TRAPPC9: variants seen among roughly 807,000 people sequenced by gnomAD.
TRAPPC9 encodes the protein IKK2 binding protein.
Under a neutral mutation model 124.0 loss-of-function variants are expected in TRAPPC9, and 83 were observed. The observed-to-expected ratio is 0.67, with a 90% CI of 0.56 to 0.80. TRAPPC9 has a LOEUF of 0.80. Among genes scored for constraint, TRAPPC9 ranks in the 30% least tolerant of loss-of-function variants. TRAPPC9 has a pLI of 0.00. For synonymous variants in TRAPPC9, 638 were observed against 617.5 expected, an observed-to-expected ratio of 1.03 and a Z score of -0.49; for missense variants, 1,302 against 1,508.3, an observed-to-expected ratio of 0.86 and a Z score of 2.27.
At chr8:140,405,795 C>T in intron 5 of TRAPPC9, 97 bp from the exon 6 acceptor site, 1 of 1,379,114 alleles carries the variant, frequency 7.3e-7, no homozygotes, top group Non-Finnish European at 1.0e-6. Context: ...TTAAATATGC[C>T]CTACTGAAAT....
rs940606696 is a variant in TRAPPC9 at position 139,742,811 on chromosome 8, A to G, written c.3056-10609T>C. On this transcript the variant is annotated intron_variant, in intron 21 of 22. Transcript: ENST00000438773. The surrounding 1 kb of genome is among the most constrained non-coding windows in gnomAD (Gnocchi z 4.7). ...CAGGAAACATTCACTGAAATGCTGCATCTGTGGGAGAAGAACAGCCGCCAC... is the reference window on the plus strand; with the variant it reads ...CAGGAAACATTCACTGAAATGCTGCGTCTGTGGGAGAAGAACAGCCGCCAC... Among the ~76,000 whole-genome samples the G allele has an allele frequency of 9.9e-5, 15 of 152,216 alleles. No homozygotes were observed. The highest frequency in any genetic ancestry group is 9.8e-4 in the Admixed American group (15 of 15,280).
chr8:139,918,053 G>T (rs1832263061), intron 19 of TRAPPC9, among the ~76,000 whole-genome samples: 1 of 152,216 alleles, frequency 6.6e-6, no homozygotes, highest in Non-Finnish European at 1.5e-5. Context: ...CTCAATGGGA[G>T]AAACTTGGGG....
At chr8:140,123,817 T>C (rs1057310788) in intron 17 of TRAPPC9, among the ~76,000 whole-genome samples, 18 of 152,248 alleles carry the variant, frequency 1.2e-4, no homozygotes, top group Non-Finnish European at 1.8e-4. Context: ...AAGTATCTGA[T>C]GAATGAATGG....
At chr8:139,774,517 C>G (rs1821222179) in intron 21 of TRAPPC9, among the ~76,000 whole-genome samples, 1 of 152,196 alleles carries the variant, frequency 6.6e-6, no homozygotes. Flanking sequence ...ACAAGCATCA[C>G]TGCCTGGAGA....
chr8:139,809,441 C>G (rs1405766884), intron 21 of TRAPPC9, among the ~76,000 whole-genome samples: 1 of 152,200 alleles, frequency 6.6e-6, no homozygotes, highest in Non-Finnish European at 1.5e-5. Flanking sequence ...CTTCCTGCGC[C>G]AGACAGGAGG....
chr8:140,042,974 A>T (rs1036827784), intron 17 of TRAPPC9, among the ~76,000 whole-genome samples: 2 of 152,200 alleles, frequency 1.3e-5, no homozygotes, highest in Non-Finnish European at 2.9e-5. Flanking sequence ...CACGGGAGCC[A>T]ATGTAATAAC....
chr8:140,152,941 C>T (rs1208672382), intron 17 of TRAPPC9, among the ~76,000 whole-genome samples: 2 of 152,122 alleles, frequency 1.3e-5, no homozygotes, highest in African/African-American at 4.8e-5. Context: ...AGTGGACATT[C>T]CTATCTTATT....
intron 18 of TRAPPC9, among the ~76,000 whole-genome samples, chr8:139,997,092 G>C (rs1838050346): frequency 6.6e-6 from 1 of 152,106 alleles, no homozygotes; most frequent in South Asian, 2.1e-4. Flanking sequence ...TAATCAAACT[G>C]CAGAAAGCTA....
chr8:139,808,608 G>A (rs998861759), intron 21 of TRAPPC9, among the ~76,000 whole-genome samples: 9 of 152,022 alleles, frequency 5.9e-5, no homozygotes, highest in East Asian at 1.9e-4. Context: ...ATACCCACTG[G>A]CAGTCATTCC....
At chr8:139,911,377 C>T (rs1391159326) in intron 19 of TRAPPC9, 2 of 152,156 alleles carry the variant, frequency 1.3e-5, no homozygotes, top group East Asian at 3.9e-4. Flanking sequence ...TAAAAACAAA[C>T]TAATACAACA....
chr8:140,291,284 C>T, intron 11 of TRAPPC9: 3 of 636,106 alleles, frequency 4.7e-6, no homozygotes, highest in Non-Finnish European at 8.5e-6. Flanking sequence ...CACTTTGATG[C>T]CACATGAATG....
intron 17 of TRAPPC9, among the ~76,000 whole-genome samples, chr8:140,086,480 C>A (rs1330150229): frequency 6.6e-6 from 1 of 152,194 alleles, no homozygotes; most frequent in Non-Finnish European, 1.5e-5. Context: ...TCAGGGGCCA[C>A]AGCTCCACCT....
chr8:139,824,333 G>A (rs1347276992), intron 21 of TRAPPC9, among the ~76,000 whole-genome samples: 3 of 151,996 alleles, frequency 2.0e-5, no homozygotes, highest in South Asian at 2.1e-4. Flanking sequence ...GCAGAGCTTC[G>A]GGGGCCTGCA....
intron 19 of TRAPPC9, among the ~76,000 whole-genome samples, chr8:139,944,440 A>G (rs1834089255): frequency 1.3e-5 from 2 of 152,098 alleles, no homozygotes; most frequent in Admixed American, 1.3e-4. Flanking sequence ...TATAGCTTCA[A>G]TGACAGGGCT....
intron 19 of TRAPPC9, among the ~76,000 whole-genome samples, chr8:139,957,380 C>T (rs865984272): frequency 6.6e-6 from 1 of 152,182 alleles, no homozygotes. Context: ...CTACGTGTAG[C>T]CTTTTCTTTT....
intron 21 of TRAPPC9, among the ~76,000 whole-genome samples, chr8:139,744,603 C>G (rs1818770257): frequency 1.3e-5 from 2 of 152,236 alleles, no homozygotes; most frequent in Non-Finnish European, 2.9e-5. Context: ...TCTTTCCCCC[C>G]ATCAGCGACT....
chr8:140,434,991 A>C (rs1299620102), intron 4 of TRAPPC9, 121 bp downstream of exon 4: 1 of 1,481,380 alleles, frequency 6.8e-7, no homozygotes, highest in South Asian at 1.3e-5. Context: ...AAAATTACTG[A>C]CTCAACAGAT....
intron 16 of TRAPPC9, among the ~76,000 whole-genome samples, chr8:140,244,355 CTA>C (rs1286139642): frequency 6.6e-6 from 1 of 152,210 alleles, no homozygotes; most frequent in Admixed American, 6.5e-5. Flanking sequence ...CTAGGGATCA[CTA>C]TTTCCCATAC....
chr8:140,289,174 AGTGTGTGTGT>A (rs71320349), intron 12 of TRAPPC9, among the ~76,000 whole-genome samples: 10,082 of 148,306 alleles, frequency 0.068, 359 homozygotes, highest in South Asian at 0.13. Context: ...ATATATATAT[AGTGTGTGTGT>A]GTGTGTGTGT....
Sources: allele counts gnomAD v4.1 joint callset (sites outside exome capture counted in the v4.1 genomes callset), GRCh38; gene constraint gnomAD v4.1.1; non-coding constraint Gnocchi (gnomAD v3.1); transcripts MANE v1.5; gene names NCBI Gene and HGNC (gene_info 2026-07-23, HGNC 2026-07-21).